ARHGAP6: variants seen among roughly 807,000 people sequenced by gnomAD.
The protein encoded by ARHGAP6 is Rho GTPase activating protein 6.
ARHGAP6 carries 16 observed loss-of-function variants against 55.7 expected under a neutral mutation model. The observed-to-expected ratio is 0.29, with a 90% confidence interval of 0.19 to 0.44. The LOEUF is 0.44. ARHGAP6 is among the 20% of genes least tolerant of loss of function. The pLI is 1.00. For synonymous variants in ARHGAP6, 382 were observed against 360.9 expected (o/e 1.06, Z -0.66); for missense variants, 698 against 808.9 (o/e 0.86, Z 1.66).
intron 1 of ARHGAP6, among the ~76,000 whole-genome samples, chrX:11,584,603 G>C (rs534023215): frequency 9.0e-6 from 1 of 111,677 alleles, no homozygotes; most frequent in South Asian, 3.8e-4. Flanking sequence ...ACAGTACCTT[G>C]AACAGGAGGG....
intron 3 of ARHGAP6, among the ~76,000 whole-genome samples, chrX:11,196,219 CT>C (rs1257200636): frequency 9.0e-6 from 1 of 110,997 alleles, no homozygotes; most frequent in African/African-American, 3.3e-5. Flanking sequence ...GTTCCTGGAT[CT>C]TTAAAAAGGA....
intron 2 of ARHGAP6, among the ~76,000 whole-genome samples, chrX:11,211,052 T>A (rs1032633761): frequency 8.9e-6 from 1 of 111,796 alleles, no homozygotes; most frequent in Non-Finnish European, 1.9e-5. Context: ...ATTATTTGAA[T>A]GGAAGTCATT....
chrX:11,595,862 A>C (rs1035244879), intron 1 of ARHGAP6, among the ~76,000 whole-genome samples: 3 of 112,225 alleles, frequency 2.7e-5, no homozygotes, highest in Non-Finnish European at 5.6e-5. Flanking sequence ...CAAATCAAAA[A>C]CACAATGAGA....
At chrX:11,563,044 GT>G in intron 1 of ARHGAP6, among the ~76,000 whole-genome samples, 1 of 111,050 alleles carries the variant, frequency 9.0e-6, no homozygotes, top group African/African-American at 3.3e-5. Flanking sequence ...ATAAATAAAA[GT>G]TTTTTTAAAA....
At chrX:11,180,666 C>T (rs1001890397) in intron 6 of ARHGAP6, among the ~76,000 whole-genome samples, 1 of 112,023 alleles carries the variant, frequency 8.9e-6, no homozygotes, top group Non-Finnish European at 1.9e-5. Context: ...AATACAACTC[C>T]ATGCAAAGGT....
chrX:11,176,300 CATATATATATAT>C (rs59647126), intron 8 of ARHGAP6, among the ~76,000 whole-genome samples: 254 of 15,621 alleles, frequency 0.016, 5 homozygotes, highest in East Asian at 0.039. Flanking sequence ...TATTTGCATG[CATATATATATAT>C]ATATATATAT....
intron 1 of ARHGAP6, among the ~76,000 whole-genome samples, chrX:11,623,255 A>G (rs1262029303): frequency 8.9e-6 from 1 of 111,918 alleles, no homozygotes; most frequent in Non-Finnish European, 1.9e-5. Context: ...TACAAAATCC[A>G]CATACAAAAA....
At chrX:11,142,511 C>T (rs2045633945) in intron 11 of ARHGAP6, 198 bp from the exon 12 acceptor site, 1 of 200,357 alleles carries the variant, frequency 5.0e-6, no homozygotes, top group Non-Finnish European at 9.4e-6. Context: ...ATATCATGCT[C>T]GTGGTAGACA....
intron 1 of ARHGAP6, among the ~76,000 whole-genome samples, chrX:11,535,625 T>C (rs1235775347): frequency 9.0e-6 from 1 of 111,367 alleles, no homozygotes; most frequent in Non-Finnish European, 1.9e-5. Flanking sequence ...CCATATTTTT[T>C]CCCCATATTC....
In ARHGAP6 at chrX:11,512,580, A is replaced by T. The variant is rs60015161; in HGVS notation, c.588+151661T>A. ...TAGTTAACATCTGGTGGCATAAGAG[A>T]TGGTACTTCAGTTTTGAGCCTAGAT... On this transcript the variant is annotated intron_variant, in intron 1 of 12. Coordinates refer to ENST00000337414, the MANE Select transcript of ARHGAP6 (RefSeq NM_013427.3). Among the ~76,000 whole-genome samples, 720 of 111,593 alleles carry T rather than the reference A, an allele frequency of 6.5e-3. 7 individuals carry two copies. Among genetic ancestry groups the T allele is most frequent in the African/African-American group, 0.022 (685 of 30,724 alleles).
rs192449892 is a variant in ARHGAP6 at position 11,608,507 on chromosome X, C to T, written c.588+55734G>A. 3.3e-3 allele frequency among the ~76,000 whole-genome samples: 361 copies of T among 110,762 alleles called. 2 individuals carry two copies. Among genetic ancestry groups the T allele is most frequent in the African/African-American group, 0.012 (352 of 30,425 alleles). ...AGCATGAGGCTTTTGGAGAAGAAACCCAGACTTTGAAGCTGGACAAGTCTG... is the reference window on the plus strand; with the variant it reads ...AGCATGAGGCTTTTGGAGAAGAAACTCAGACTTTGAAGCTGGACAAGTCTG... On this transcript the variant is annotated intron_variant, in intron 1 of 12. Transcript: ENST00000337414.
chrX:11,138,982 C>T lies in ARHGAP6; in HGVS notation c.2806G>A (p.Glu936Lys), dbSNP rs760513119. Reference protein sequence around the residue: ...LSSANSLPAGEQDSPRLGDAG... With the variant: ...LSSANSLPAGKQDSPRLGDAG... Reference sequence around the variant, plus strand: ...TCCCCCAGGCGCGGACTGTCCTGCTCGCCCGCTGGCAGGGAGTTGGCGCTG... The same window carrying T: ...TCCCCCAGGCGCGGACTGTCCTGCTTGCCCGCTGGCAGGGAGTTGGCGCTG... Residue 936 changes from glutamate to lysine, a missense_variant, in exon 13 of 13, where the codon GAG becomes AAG. Physicochemically the swap from Glu to Lys is moderately conservative, Grantham distance 56. Transcript: ENST00000337414. 1.1e-5 allele frequency: 13 copies of T among 1,205,755 alleles called. No individual in the cohort carries two copies. In the Admixed American group the frequency reaches 1.1e-4, roughly 10 times the overall value.
intron 3 of ARHGAP6, among the ~76,000 whole-genome samples, chrX:11,189,420 A>G (rs1236687217): frequency 2.7e-5 from 3 of 112,159 alleles, no homozygotes; most frequent in Non-Finnish European, 5.6e-5. Context: ...ATCAGGTGTT[A>G]GAGAGATGCA....
chrX:11,195,483 T>G (rs1427790795), intron 3 of ARHGAP6, among the ~76,000 whole-genome samples: 1 of 111,482 alleles, frequency 9.0e-6, no homozygotes, highest in Non-Finnish European at 1.9e-5. Flanking sequence ...TTCCTAAATA[T>G]ATGCACAAGG....
intron 1 of ARHGAP6, among the ~76,000 whole-genome samples, chrX:11,450,046 G>A (rs2050129049): frequency 9.0e-6 from 1 of 111,483 alleles, no homozygotes; most frequent in Non-Finnish European, 1.9e-5. Flanking sequence ...GTTGTCACCA[G>A]AACAGCCCCT....
At chrX:11,232,501 G>A (rs1020652242) in intron 2 of ARHGAP6, among the ~76,000 whole-genome samples, 5 of 110,675 alleles carry the variant, frequency 4.5e-5, no homozygotes, top group Admixed American at 1.9e-4. Flanking sequence ...GCTTGGTGGC[G>A]TGTGCCTGTA....
chrX:11,658,640 T>A lies in ARHGAP6; in HGVS notation c.588+5601A>T, dbSNP rs1333956977. Among the ~76,000 whole-genome samples the A allele has an allele frequency of 8.4e-5, 9 of 106,943 alleles. No individual in the cohort carries two copies. The Admixed American group carries it at 9.3e-4, about 11-fold the overall frequency. The allele number at this position is 106,943 out of a possible 115,157, so 92.9% of individuals were successfully genotyped here. On this transcript the variant is annotated intron_variant, in intron 1 of 12. Coordinates refer to ENST00000337414, the MANE Select transcript of ARHGAP6 (RefSeq NM_013427.3). ...ATAGATATATTTAGAAATCCCTTAT[T>A]TTTTTTCATATGCTCAATACCCATA...
intron 1 of ARHGAP6, among the ~76,000 whole-genome samples, chrX:11,342,221 G>C (rs73496917): frequency 0.058 from 6,520 of 111,483 alleles, 211 homozygotes; most frequent in African/African-American, 0.12. Flanking sequence ...TTTCTTAGCA[G>C]CTTAAGTTTT....
chrX:11,341,726 A>G (rs2048709124), intron 1 of ARHGAP6, among the ~76,000 whole-genome samples: 1 of 112,014 alleles, frequency 8.9e-6, no homozygotes, highest in Non-Finnish European at 1.9e-5. Flanking sequence ...TCTTTCTCAA[A>G]TTCTGGGATG....
Sources: gnomAD v4.1 joint callset for allele counts (sites outside exome capture counted in the v4.1 genomes callset) on GRCh38, gnomAD v4.1.1 for gene constraint, MANE v1.5 for transcripts, NCBI Gene and HGNC (gene_info 2026-07-23, HGNC 2026-07-21) for gene names.